The following FGD4 variants were observed in gnomAD, a reference collection of about 807,000 sequenced individuals.
The protein encoded by FGD4 is FYVE, RhoGEF and PH domain containing 4.
FGD4 carries 42 observed loss-of-function variants against 102.0 expected under a neutral mutation model. That is an observed-to-expected ratio of 0.41 (90% confidence interval 0.32 to 0.53). The LOEUF is 0.53. Ranked by LOEUF, FGD4 falls within the 20% of genes least tolerant of loss-of-function variation. FGD4 has a pLI of 0.21. For missense variants in FGD4, 902 were observed against 1,078.2 expected (o/e 0.84, Z 2.29); for synonymous variants, 380 against 375.7 (o/e 1.01, Z -0.13).
chr12:32,545,561 G>A (rs1352907173), intron 1 of FGD4, among the ~76,000 whole-genome samples: 1 of 152,230 alleles, frequency 6.6e-6, no homozygotes, highest in African/African-American at 2.4e-5. Flanking sequence ...GTAAATGAAT[G>A]AATGTGTATT....
At chr12:32,418,025 C>T (rs1426324564) in intron 1 of FGD4, among the ~76,000 whole-genome samples, 7 of 146,786 alleles carry the variant, frequency 4.8e-5, no homozygotes, top group African/African-American at 1.8e-4. Context: ...GGCACAATCT[C>T]GGCTCATTGC....
chr12:32,432,674 G>C (rs1447510075), intron 1 of FGD4, among the ~76,000 whole-genome samples: 1 of 151,584 alleles, frequency 6.6e-6, no homozygotes, highest in African/African-American at 2.4e-5. Flanking sequence ...TATATACAGA[G>C]AAGGGTTCTT....
chr12:32,578,765 A>G (rs948179105), intron 3 of FGD4, among the ~76,000 whole-genome samples: 9 of 151,966 alleles, frequency 5.9e-5, no homozygotes, highest in Admixed American at 1.3e-4. Flanking sequence ...CAGGAGGTCA[A>G]GGCTGCAGTG....
chr12:32,561,225 T>C (rs989966015), intron 1 of FGD4, among the ~76,000 whole-genome samples: 3 of 151,814 alleles, frequency 2.0e-5, no homozygotes, highest in African/African-American at 7.3e-5. Context: ...TAGCTAGGAT[T>C]ACAGGCGCCC....
chr12:32,489,828 T>C (rs925516749), intron 1 of FGD4, among the ~76,000 whole-genome samples: 1 of 152,190 alleles, frequency 6.6e-6, no homozygotes, highest in Non-Finnish European at 1.5e-5. Context: ...ATCAAGACTT[T>C]GGCCTATTAA....
chr12:32,460,139 T>C (rs186531287), intron 1 of FGD4, among the ~76,000 whole-genome samples: 90 of 152,358 alleles, frequency 5.9e-4, no homozygotes, highest in African/African-American at 2.0e-3. Context: ...CATTTTATCA[T>C]GCCTTGAGAT....
chr12:32,490,750 AG>A (rs1944060198), intron 1 of FGD4, among the ~76,000 whole-genome samples: 1 of 152,198 alleles, frequency 6.6e-6, no homozygotes, highest in African/African-American at 2.4e-5. Flanking sequence ...TATTCCTGCA[AG>A]GAAAGAAAAG....
intron 7 of FGD4, among the ~76,000 whole-genome samples, chr12:32,604,953 T>TTTTTTTTG: frequency 6.7e-6 from 1 of 148,176 alleles, no homozygotes; most frequent in African/African-American, 2.5e-5. Flanking sequence ...TTTTTTTTTT[T>TTTTTTTTG]TTGGAGTTAG....
intron 4 of FGD4, among the ~76,000 whole-genome samples, chr12:32,583,431 G>C (rs1389030019): frequency 2.0e-5 from 3 of 152,192 alleles, no homozygotes; most frequent in Non-Finnish European, 4.4e-5. Context: ...AGGTCACGCT[G>C]TTTTTTGAAT....
At chr12:32,444,928 A>C (rs527549963) in intron 1 of FGD4, among the ~76,000 whole-genome samples, 2 of 152,218 alleles carry the variant, frequency 1.3e-5, no homozygotes, top group Non-Finnish European at 2.9e-5. Context: ...GATATTATTA[A>C]TAGATATGTT....
intron 1 of FGD4, among the ~76,000 whole-genome samples, chr12:32,435,236 C>T (rs533136617): frequency 1.9e-4 from 29 of 152,298 alleles, no homozygotes; most frequent in African/African-American, 5.5e-4. Context: ...TGTGAGCCAC[C>T]GTGCCTGGCC....
chr12:32,441,826 G>A (rs997133069), intron 1 of FGD4, among the ~76,000 whole-genome samples: 2 of 152,080 alleles, frequency 1.3e-5, no homozygotes, highest in African/African-American at 4.8e-5. Flanking sequence ...TGGGATTGGC[G>A]ATTCCCCTCT....
intron 15 of FGD4, among the ~76,000 whole-genome samples, chr12:32,635,741 G>C (rs1050194804): frequency 1.3e-5 from 2 of 152,062 alleles, no homozygotes; most frequent in African/African-American, 4.8e-5. Context: ...TCAGCTGGGC[G>C]CAGTGGCTCA....
chr12:32,480,783 G>T (rs992546993), intron 1 of FGD4, among the ~76,000 whole-genome samples: 1 of 147,894 alleles, frequency 6.8e-6, no homozygotes, highest in Non-Finnish European at 1.5e-5. Context: ...ACAGGCGTGA[G>T]CCACCACGCC....
At chr12:32,401,726 CTTT>C (rs34078307) in intron 1 of FGD4, among the ~76,000 whole-genome samples, 36 of 113,580 alleles carry the variant, frequency 3.2e-4, no homozygotes, top group Admixed American at 5.0e-4. Flanking sequence ...CTTTTCCATT[CTTT>C]TTTTTTTTTT....
intron 4 of FGD4, among the ~76,000 whole-genome samples, chr12:32,585,256 ATG>A (rs1334380908): frequency 2.0e-4 from 26 of 132,192 alleles, no homozygotes; most frequent in Admixed American, 1.6e-3. Flanking sequence ...ATATATATAT[ATG>A]TATATCTTAA....
chr12:32,577,245 CAGT>C (rs113543324), intron 3 of FGD4, among the ~76,000 whole-genome samples: 3,637 of 152,072 alleles, frequency 0.024, 140 homozygotes, highest in African/African-American at 0.082. Flanking sequence ...GCAATTTTAT[CAGT>C]AGAATTTTGT....
intron 1 of FGD4, among the ~76,000 whole-genome samples, chr12:32,405,261 GTT>G (rs11396808): frequency 1.8e-5 from 2 of 108,738 alleles, no homozygotes; most frequent in Non-Finnish European, 1.8e-5. Flanking sequence ...GCAGTCAGTG[GTT>G]TTTTTTTTTT....
At chr12:32,459,165 G>T (rs945259980) in intron 1 of FGD4, among the ~76,000 whole-genome samples, 2 of 137,288 alleles carry the variant, frequency 1.5e-5, no homozygotes, top group South Asian at 4.9e-4. Flanking sequence ...GGCAAATTGT[G>T]TTTATTTGGG....
Sources: gnomAD v4.1 joint callset for allele counts (sites outside exome capture counted in the v4.1 genomes callset) on GRCh38, gnomAD v4.1.1 for gene constraint, MANE v1.5 for transcripts, NCBI Gene and HGNC (gene_info 2026-07-23, HGNC 2026-07-21) for gene names.